The following HGF variants were observed in gnomAD, a reference collection of about 807,000 sequenced individuals.
HGF encodes hepatocyte growth factor, also known as fibroblast-derived tumor cytotoxic factor.
Under a neutral mutation model 111.6 loss-of-function variants are expected in HGF, and 39 were observed. The ratio of observed to expected loss-of-function variants is 0.35; its 90% confidence interval spans 0.27 to 0.46. The LOEUF (loss-of-function observed/expected upper bound fraction) is 0.46, where lower values mean the gene tolerates loss of function less well. Ranked by LOEUF, HGF falls within the 20% of genes least tolerant of loss-of-function variation. HGF has a pLI of 1.00. For synonymous variants in HGF, 285 were observed against 294.8 expected, an observed-to-expected ratio of 0.97 and a Z score of 0.34; for missense variants, 735 against 910.5, an observed-to-expected ratio of 0.81 and a Z score of 2.48.
intron 11 of HGF, among the ~76,000 whole-genome samples, chr7:81,714,364 CAG>C (rs1168418644): frequency 1.3e-5 from 2 of 152,002 alleles, no homozygotes; most frequent in Non-Finnish European, 2.9e-5. Flanking sequence ...CAAATAAAAA[CAG>C]AGATGGAAGT....
intron 7 of HGF, among the ~76,000 whole-genome samples, 160 bp downstream of exon 7, chr7:81,743,193 A>T (rs1788079550): frequency 6.6e-6 from 1 of 152,252 alleles, no homozygotes; most frequent in Admixed American, 6.5e-5. Flanking sequence ...CCAAAAATGC[A>T]AAAGATTGGG....
At chr7:81,766,374 T>G (rs920673202) in intron 1 of HGF, among the ~76,000 whole-genome samples, 1 of 152,160 alleles carries the variant, frequency 6.6e-6, no homozygotes, top group African/African-American at 2.4e-5. Flanking sequence ...AAGATGAAAG[T>G]ACACAAATAA....
chr7:81,708,741 C>G (rs1187051998), intron 13 of HGF, among the ~76,000 whole-genome samples: 1 of 151,556 alleles, frequency 6.6e-6, no homozygotes, highest in Non-Finnish European at 1.5e-5. Context: ...CCACACCCAG[C>G]CTCTTGAAAG....
chr7:81,724,230 A>G (rs546668558), intron 9 of HGF, among the ~76,000 whole-genome samples: 4 of 152,166 alleles, frequency 2.6e-5, no homozygotes, highest in Non-Finnish European at 5.9e-5. Flanking sequence ...CTTTATTTCT[A>G]ACTGATCCTT....
At chr7:81,749,258 G>A (rs1012129733) in intron 5 of HGF, among the ~76,000 whole-genome samples, 1 of 151,988 alleles carries the variant, frequency 6.6e-6, no homozygotes. Flanking sequence ...AATGATTATG[G>A]CTTAATTAAA....
intron 1 of HGF, among the ~76,000 whole-genome samples, chr7:81,768,674 C>T (rs757628791): frequency 1.3e-5 from 2 of 152,140 alleles, no homozygotes; most frequent in Admixed American, 6.5e-5. Context: ...CCACCGCACC[C>T]GACCCTGTGA....
At chr7:81,736,062 G>A (rs904700128) in intron 7 of HGF, among the ~76,000 whole-genome samples, 1 of 152,020 alleles carries the variant, frequency 6.6e-6, no homozygotes, top group Non-Finnish European at 1.5e-5. Flanking sequence ...ATTCACTCCA[G>A]AGCAATACCT....
At position 81,702,524 on chromosome 7, in the gene HGF, A is replaced by C. The variant is rs542402530; in HGVS notation, c.*57T>G. ...GACATTTTAAATTCCACATTCTCTG[A>C]AATCTTCATGTAAAAGACAGTTGTA... On this transcript the variant is annotated 3_prime_UTR_variant, in exon 18 of 18. Transcript: ENST00000222390. 7 of 1,367,120 alleles carry C rather than the reference A, an allele frequency of 5.1e-6. No homozygotes were observed. Among genetic ancestry groups the C allele is most frequent in the African/African-American group, 1.4e-5 (1 of 69,868 alleles). The allele number at this position is 1,367,120 out of a possible 1,614,324, so 84.7% of individuals were successfully genotyped here.
At position 81,740,162 on chromosome 7, in the gene HGF, A is replaced by G. The variant is rs369309823; in HGVS notation, c.865+3191T>C. ...GATATTAATTATGATTTTCTAATAC[A>G]GTTAGTATATGATAAAACACGAGTT... On this transcript the variant is annotated intron_variant, in intron 7 of 17. Transcript: ENST00000222390. Among the ~76,000 whole-genome samples, 132 of 152,304 alleles carry G rather than the reference A, an allele frequency of 8.7e-4. No individual in the cohort carries two copies. The South Asian group carries it at 0.027, about 31-fold the overall frequency.
At chr7:81,743,890 T>C (rs2116030300) in intron 6 of HGF, among the ~76,000 whole-genome samples, 1 of 152,324 alleles carries the variant, frequency 6.6e-6, no homozygotes, top group South Asian at 2.1e-4. Context: ...AACTCAGTTT[T>C]GGAAATAGAG....
At chr7:81,759,840 A>C (rs1788974299) in intron 2 of HGF, among the ~76,000 whole-genome samples, 1 of 152,324 alleles carries the variant, frequency 6.6e-6, no homozygotes, top group African/African-American at 2.4e-5. Flanking sequence ...TCTTAAAGAA[A>C]GTTATGAAGA....
At chr7:81,746,656 T>A (rs1178945395) in intron 5 of HGF, among the ~76,000 whole-genome samples, 1 of 152,160 alleles carries the variant, frequency 6.6e-6, no homozygotes, top group Non-Finnish European at 1.5e-5. Context: ...AGAGATTACA[T>A]CTATTATGCC....
At chr7:81,744,909 TAATATA>T in intron 6 of HGF, 85 bp downstream of exon 6, 1 of 1,390,438 alleles carries the variant, frequency 7.2e-7, no homozygotes, top group African/African-American at 1.4e-5. Flanking sequence ...CGGGAAAACA[TAATATA>T]AAGAGAATTT....
At chr7:81,743,094 A>G (rs1033311980) in intron 7 of HGF, 2 of 799,798 alleles carry the variant, frequency 2.5e-6, no homozygotes, top group Admixed American at 2.3e-5. Context: ...TCTTGATAAC[A>G]TTAGAATGTT....
intron 13 of HGF, among the ~76,000 whole-genome samples, chr7:81,707,742 A>G (rs973788348): frequency 6.6e-6 from 1 of 152,184 alleles, no homozygotes; most frequent in African/African-American, 2.4e-5. Context: ...TCTATTTTAA[A>G]TTCAGTGTTT....
At chr7:81,751,668 T>A in intron 5 of HGF, 1 of 1,008,904 alleles carries the variant, frequency 9.9e-7, no homozygotes, top group Non-Finnish European at 1.2e-6. Context: ...TATTGTATTA[T>A]CTTCTGGGTC....
intron 1 of HGF, among the ~76,000 whole-genome samples, chr7:81,767,249 A>G (rs116211525): frequency 0.034 from 5,107 of 151,886 alleles, 188 homozygotes; most frequent in African/African-American, 0.095. Context: ...TTTTAAGTAA[A>G]TTTCAGTTGA....
At chr7:81,744,914 T>C in intron 6 of HGF, 86 bp downstream of exon 6, 5 of 1,419,410 alleles carry the variant, frequency 3.5e-6, no homozygotes, top group South Asian at 1.2e-5. Context: ...AAACATAATA[T>C]AAAGAGAATT....
intron 11 of HGF, among the ~76,000 whole-genome samples, chr7:81,716,562 T>C (rs1789717438): frequency 6.6e-6 from 1 of 152,166 alleles, no homozygotes; most frequent in African/African-American, 2.4e-5. Flanking sequence ...TGAAGATTTA[T>C]TTTCTACTTT....
Sources: allele counts gnomAD v4.1 joint callset (sites outside exome capture counted in the v4.1 genomes callset), GRCh38; gene constraint gnomAD v4.1.1; transcripts MANE v1.5; gene names NCBI Gene and HGNC (gene_info 2026-07-23, HGNC 2026-07-21).